The following KCNG2 variants were observed in gnomAD, a reference collection of about 807,000 sequenced individuals.
The protein encoded by KCNG2 is potassium voltage-gated channel modifier subfamily G member 2, also known as voltage-gated potassium channel regulatory subunit KCNG2.
A neutral mutation model predicts 12.3 loss-of-function variants in KCNG2; 7 were observed. The ratio of observed to expected loss-of-function variants is 0.57; its 90% CI spans 0.32 to 1.07. The LOEUF (loss-of-function observed/expected upper bound fraction) is 1.07. Ranked by LOEUF, KCNG2 falls within the 50% of genes least tolerant of loss-of-function variation. The probability of loss-of-function intolerance (pLI) is 0.04; values close to 1 mark genes in which losing one functional copy is unlikely to be tolerated. For missense variants in KCNG2, 703 were observed against 726.0 expected (o/e 0.97, Z 0.36); for synonymous variants, 414 against 351.4 (o/e 1.18, Z -1.99).
At chr18:79,813,875 A>T (rs1252479817) in intron 1 of KCNG2, among the ~76,000 whole-genome samples, 4 of 152,240 alleles carry the variant, frequency 2.6e-5, no homozygotes, top group Non-Finnish European at 5.9e-5. Flanking sequence ...AAAGTTTGGA[A>T]TATATAAAGA....
At chr18:79,857,306 G>C (rs775330257) in intron 2 of KCNG2, among the ~76,000 whole-genome samples, 1 of 149,958 alleles carries the variant, frequency 6.7e-6, no homozygotes, top group East Asian at 2.0e-4. Flanking sequence ...ACGTGGTCCC[G>C]GTGATTATGG....
At chr18:79,805,620 C>A (rs1239771) in intron 1 of KCNG2, among the ~76,000 whole-genome samples, 1 of 151,902 alleles carries the variant, frequency 6.6e-6, no homozygotes, top group African/African-American at 2.4e-5. Context: ...TTCTCGCCTT[C>A]GGGTCTTCAT....
At chr18:79,799,512 C>T (rs913795924) in intron 1 of KCNG2, among the ~76,000 whole-genome samples, 8 of 152,200 alleles carry the variant, frequency 5.3e-5, no homozygotes, top group African/African-American at 1.9e-4. Context: ...GTCACATTCT[C>T]GGGACTATCC....
chr18:79,885,149 A>G (rs1334056876), intron 3 of KCNG2, among the ~76,000 whole-genome samples: 1 of 152,208 alleles, frequency 6.6e-6, no homozygotes, highest in Non-Finnish European at 1.5e-5. Context: ...GCTGTGGAGC[A>G]GAGTCTGAAG....
rs116617762 is a variant in KCNG2 at position 79,822,216 on chromosome 18, T to A, written c.-115+24202T>A. Among the ~76,000 whole-genome samples the A allele has an allele frequency of 0.023, 3,562 of 152,272 alleles. 154 individuals carry two copies. The highest frequency in any genetic ancestry group is 0.08 in the African/African-American group (3,315 of 41,526). On this transcript the variant is annotated intron_variant, in intron 1 of 3. Transcript: ENST00000316249. This position sits in a 1 kb window ranked among gnomAD's most constrained non-coding sequence, Gnocchi z 4.4. ...AGTTGCAGATTCATAGAGGTTCCCA[T>A]GTCTCCCACCCAGCTTCCTCCAGTG...
chr18:79,830,633 G>A (rs1001645391), intron 1 of KCNG2, among the ~76,000 whole-genome samples: 4 of 152,356 alleles, frequency 2.6e-5, no homozygotes, highest in Non-Finnish European at 4.4e-5. Context: ...AGAGACTCCC[G>A]AGTGATGAGA....
intron 1 of KCNG2, among the ~76,000 whole-genome samples, chr18:79,830,590 C>T (rs1409505427): frequency 6.6e-6 from 1 of 152,274 alleles, no homozygotes; most frequent in Non-Finnish European, 1.5e-5. Context: ...AGAACCGCCC[C>T]AGCTCCAGAG....
At chr18:79,804,522 C>T (rs1324068492) in intron 1 of KCNG2, among the ~76,000 whole-genome samples, 1 of 152,220 alleles carries the variant, frequency 6.6e-6, no homozygotes, top group Non-Finnish European at 1.5e-5. Flanking sequence ...CGTGGCCGGT[C>T]CTGAGCCAAG....
At chr18:79,841,407 G>C (rs1978456292) in intron 1 of KCNG2, among the ~76,000 whole-genome samples, 1 of 152,136 alleles carries the variant, frequency 6.6e-6, no homozygotes, top group South Asian at 2.1e-4. Flanking sequence ...GGATAAATTG[G>C]ACTTTATCAA....
chr18:79,807,127 G>T (rs978243091), intron 1 of KCNG2, among the ~76,000 whole-genome samples: 1 of 152,206 alleles, frequency 6.6e-6, no homozygotes, highest in Non-Finnish European at 1.5e-5. Flanking sequence ...GCCAGCGAGG[G>T]TCAGCACCCA....
chr18:79,829,719 G>T (rs1204874035), intron 1 of KCNG2, among the ~76,000 whole-genome samples: 1 of 152,184 alleles, frequency 6.6e-6, no homozygotes, highest in Non-Finnish European at 1.5e-5. Context: ...GCTGTTTGGG[G>T]GCTCCACTTG....
rs1226743785 is a variant in KCNG2, at chr18:79,803,376, A to G, written c.-115+5362A>G. Among the ~76,000 whole-genome samples, 1 of 152,358 alleles carries G rather than the reference A, an allele frequency of 6.6e-6. No individual in the cohort carries two copies. Among genetic ancestry groups the G allele is most frequent in the African/African-American group, 2.4e-5 (1 of 41,588 alleles). On this transcript the variant is annotated intron_variant, in intron 1 of 3. Transcript: ENST00000316249. The surrounding 1 kb of genome is among the most constrained non-coding windows in gnomAD (Gnocchi z 4.5). ...TCAAGATGACAGTTTCTGACTGTGA[A>G]CAAATTTCCTTGATTTAATTTTCCC...
At chr18:79,879,260 C>CGAA in intron 3 of KCNG2, among the ~76,000 whole-genome samples, 1 of 152,206 alleles carries the variant, frequency 6.6e-6, no homozygotes, top group Non-Finnish European at 1.5e-5. Flanking sequence ...AAGGCCAGCA[C>CGAA]TGTCTGGACA....
chr18:79,851,767 CTG>C (rs55732287), intron 1 of KCNG2, among the ~76,000 whole-genome samples: 26 of 151,534 alleles, frequency 1.7e-4, no homozygotes, highest in East Asian at 1.2e-3. Flanking sequence ...GTGTGTGTGA[CTG>C]TGAATGCGTG....
In KCNG2 at chr18:79,899,515, T is replaced by C. The variant is rs1277233269; in HGVS notation, c.1100T>C (p.Met367Thr). ...AGCTATTGGTGGGCCGTCATCTCCA[T>C]GACCACCGTGGGCTACGGCGACATG... is the stretch of plus-strand genomic sequence containing the variant. ...PASYWWAVIS[M>T]TTVGYGDMVP... Residue 367 changes from methionine to threonine, a missense_variant, in exon 4 of 4, where the codon ATG becomes ACG. Met to Thr is a moderately conservative substitution (Grantham distance 81). Coordinates refer to ENST00000316249, the MANE Select transcript of KCNG2 (RefSeq NM_012283.2). The C allele has an allele frequency of 6.2e-7, 1 of 1,607,256 alleles. No homozygotes were observed. Among genetic ancestry groups the C allele is most frequent in the African/African-American group, 1.4e-5 (1 of 73,992 alleles).
intron 3 of KCNG2, among the ~76,000 whole-genome samples, chr18:79,880,343 G>C (rs1229038358): frequency 7.1e-6 from 1 of 140,594 alleles, no homozygotes; most frequent in Non-Finnish European, 1.5e-5. Context: ...AAAATTACAT[G>C]TACAATTACT....
chr18:79,834,304 C>T (rs1978312063), intron 1 of KCNG2, among the ~76,000 whole-genome samples: 1 of 152,206 alleles, frequency 6.6e-6, no homozygotes, highest in Non-Finnish European at 1.5e-5. Flanking sequence ...GTTATTGACT[C>T]ATGTTTTACA....
At chr18:79,799,884 G>A (rs1196388237) in intron 1 of KCNG2, among the ~76,000 whole-genome samples, 1 of 152,168 alleles carries the variant, frequency 6.6e-6, no homozygotes, top group Admixed American at 6.5e-5. Context: ...GTAGTCACAG[G>A]TGCAGGTGCC....
intron 1 of KCNG2, among the ~76,000 whole-genome samples, chr18:79,821,071 G>A (rs1323266235): frequency 6.6e-6 from 1 of 152,210 alleles, no homozygotes; most frequent in East Asian, 1.9e-4. Context: ...CCCAGTCTGT[G>A]GGCTTTCATT....
Sources: allele counts gnomAD v4.1 joint callset (sites outside exome capture counted in the v4.1 genomes callset), GRCh38; gene constraint gnomAD v4.1.1; non-coding constraint Gnocchi (gnomAD v3.1); transcripts MANE v1.5; gene names NCBI Gene and HGNC (gene_info 2026-07-23, HGNC 2026-07-21).